Variants in DNASE1 observed in about 807,000 individuals in gnomAD.
DNASE1 encodes deoxyribonuclease 1.
DNASE1 carries 40 observed loss-of-function variants against 33.9 expected under a neutral mutation model. The ratio of observed to expected loss-of-function variants is 1.18; its 90% CI spans 0.92 to 1.54. DNASE1 has a LOEUF of 1.54. Ranked by LOEUF, DNASE1 falls within the 40% of genes most tolerant of loss-of-function variation. The probability of loss-of-function intolerance (pLI) is 0.00; values close to 1 mark genes in which losing one functional copy is unlikely to be tolerated. For missense variants in DNASE1, 518 were observed against 372.6 expected (o/e 1.39, Z -3.21); for synonymous variants, 216 against 160.0 (o/e 1.35, Z -2.64).
At chr16:3,654,404 G>T (rs1434278679), upstream of DNASE1, 1 of 398,628 alleles carries the variant, frequency 2.5e-6, no homozygotes, top group Non-Finnish European at 4.4e-6. Context: ...GATGAATCAG[G>T]AAGGCAGGCG....
At chr16:3,655,346 A>C in intron 1 of DNASE1, 27 bp from the exon 2 acceptor site, 1 of 1,613,570 alleles carries the variant, frequency 6.2e-7, no homozygotes. Context: ...CACTTCTGTT[A>C]TGTCTCTGTG....
chr16:3,663,148 C>T, exon 10 of DNASE1: 1 of 660,332 alleles, frequency 1.5e-6, no homozygotes, highest in Non-Finnish European at 2.5e-6. Flanking sequence ...GCCTGAGGCC[C>T]ATACAACTTG....
At chr16:3,636,198 TTGAC>T (rs765730494) in intron 1 of DNASE1, among the ~76,000 whole-genome samples, 12 of 152,308 alleles carry the variant, frequency 7.9e-5, no homozygotes, top group Non-Finnish European at 1.3e-4. Flanking sequence ...ATTCTTTCCT[TTGAC>T]TGTATCTAAT....
downstream of DNASE1, chr16:3,662,828 A>G: frequency 6.3e-7 from 1 of 1,576,894 alleles, no homozygotes; most frequent in Non-Finnish European, 8.7e-7. Context: ...CCAGCTGGCC[A>G]GCCTGTTAGG....
chr16:3,662,889 T>C (rs756764244), downstream of DNASE1: 1 of 1,613,570 alleles, frequency 6.2e-7, no homozygotes, highest in Non-Finnish European at 8.5e-7. Context: ...CACCTTCACG[T>C]TGGTGACACG....
At position 3,612,456 on chromosome 16, in the gene DNASE1, G is replaced by A. The variant is rs2040918377; in HGVS notation, c.-1359+450G>A. Among the ~76,000 whole-genome samples the A allele has an allele frequency of 2.6e-5, 4 of 151,616 alleles. No homozygotes were observed. The South Asian group carries it at 8.3e-4, about 32-fold the overall frequency. On this transcript the variant is annotated intron_variant and NMD_transcript_variant, in intron 1 of 11. Coordinates refer to the DNASE1 transcript ENST00000570769. ...AGTAGAGACTAGGTTTCACTCTGTTGCCCAGGCTGGTCTCCAACTCCTGAC... is the reference window on the plus strand; with the variant it reads ...AGTAGAGACTAGGTTTCACTCTGTTACCCAGGCTGGTCTCCAACTCCTGAC...
chr16:3,654,608 C>T (rs866923365), upstream of DNASE1: 51 of 398,784 alleles, frequency 1.3e-4, 1 homozygote, highest in Middle Eastern at 1.9e-3. Flanking sequence ...TGGGGGCCAC[C>T]ACACGTGCAA....
downstream of DNASE1, chr16:3,662,859 G>C (rs2043165601): frequency 6.2e-7 from 1 of 1,611,868 alleles, no homozygotes; most frequent in South Asian, 1.1e-5. Flanking sequence ...CCAAGTGGTG[G>C]TCCATCCCCG....
downstream of DNASE1, chr16:3,659,129 G>C: frequency 2.6e-6 from 1 of 386,158 alleles, no homozygotes; most frequent in Non-Finnish European, 4.7e-6. Context: ...AAGGAGCTTA[G>C]TACGTGAAGA....
intron 1 of DNASE1, among the ~76,000 whole-genome samples, chr16:3,636,614 GAGTTCAAGACC>G (rs1461541726): frequency 6.6e-6 from 1 of 152,176 alleles, no homozygotes; most frequent in Non-Finnish European, 1.5e-5. Context: ...TTGAGCCCAG[GAGTTCAAGACC>G]AGCCTGGGCA....
chr16:3,639,400 C>T (rs990573965), upstream of DNASE1, among the ~76,000 whole-genome samples: 6 of 152,302 alleles, frequency 3.9e-5, no homozygotes, highest in South Asian at 6.2e-4. Flanking sequence ...ACAGCACCCC[C>T]ACACCAACCC....
chr16:3,617,868 CAG>C (rs1214434479), intron 1 of DNASE1, among the ~76,000 whole-genome samples: 1 of 151,364 alleles, frequency 6.6e-6, no homozygotes, highest in Non-Finnish European at 1.5e-5. Context: ...CTTCACCAGA[CAG>C]AGTCTGCCAA....
downstream of DNASE1, chr16:3,662,566 GGC>G: frequency 1.7e-6 from 1 of 586,344 alleles, no homozygotes; most frequent in South Asian, 1.7e-5. Flanking sequence ...AGCTCCTGAG[GGC>G]TGGGGTAGCA....
At chr16:3,624,032 C>T (rs1360211709) in intron 1 of DNASE1, among the ~76,000 whole-genome samples, 2 of 152,086 alleles carry the variant, frequency 1.3e-5, no homozygotes, top group African/African-American at 4.8e-5. Flanking sequence ...TACCTGTAAT[C>T]CCAGCACTTT....
intron 1 of DNASE1, among the ~76,000 whole-genome samples, chr16:3,627,685 G>GTCTTGGCA (rs772191722): frequency 6.6e-6 from 1 of 152,114 alleles, no homozygotes; most frequent in Non-Finnish European, 1.5e-5. Flanking sequence ...CCGTTGAATG[G>GTCTTGGCA]TCTTGGCATC....
chr16:3,618,085 CAAAA>C (rs71392849), intron 1 of DNASE1, among the ~76,000 whole-genome samples: 4 of 104,180 alleles, frequency 3.8e-5, no homozygotes, highest in Admixed American at 1.0e-4. Flanking sequence ...AAGCCAAGAC[CAAAA>C]AAAAAAAAAA....
At chr16:3,647,633 C>T (rs914711511) in intron 1 of DNASE1, among the ~76,000 whole-genome samples, 3 of 152,162 alleles carry the variant, frequency 2.0e-5, no homozygotes, top group Non-Finnish European at 4.4e-5. Flanking sequence ...ATTACCCAGC[C>T]TCAGGGCTGG....
rs565615668 is a variant in DNASE1 at position 3,626,200 on chromosome 16, TA to T, written c.-1359+14207del. 3.8e-3 allele frequency among the ~76,000 whole-genome samples: 530 copies of T among 139,028 alleles called. 2 individuals are homozygous for T. The highest frequency in any genetic ancestry group is 8.7e-3 in the African/African-American group (331 of 38,000). 91.2% of individuals were successfully genotyped at this position (139,028 alleles called of 152,430 possible). A position where few individuals can be genotyped will look rare whatever the true frequency, so the allele number is the denominator to read the frequency against. ...AAAGGATTAATATCTAAAGAAATCC[TA>T]AAAAAAAAAAAATAGAAAAACAGGC... On this transcript the variant is annotated intron_variant and NMD_transcript_variant, in intron 1 of 11. Transcript: ENST00000570769.
chr16:3,642,168 A>G (rs1198395834), upstream of DNASE1, among the ~76,000 whole-genome samples: 2 of 152,142 alleles, frequency 1.3e-5, no homozygotes, highest in Non-Finnish European at 2.9e-5. Context: ...GTTGCCCAAC[A>G]GCTCTCAGCC....
Sources: allele counts gnomAD v4.1 joint callset (sites outside exome capture counted in the v4.1 genomes callset), GRCh38; gene constraint gnomAD v4.1.1; transcripts MANE v1.5; gene names NCBI Gene and HGNC (gene_info 2026-07-23, HGNC 2026-07-21).